CNTN5: variants seen among roughly 807,000 people sequenced by gnomAD.
The protein encoded by CNTN5 is contactin-5.
CNTN5 carries 77 observed loss-of-function variants against 129.1 expected under a neutral mutation model. The observed-to-expected ratio is 0.60, with a 90% CI of 0.50 to 0.72. The LOEUF (loss-of-function observed/expected upper bound fraction) is 0.72, where lower values mean the gene tolerates loss of function less well. CNTN5 is among the 30% of genes least tolerant of loss of function. The pLI, the probability that CNTN5 is intolerant of heterozygous loss-of-function variation, is 0.00. For synonymous variants in CNTN5, 509 were observed against 465.6 expected, an observed-to-expected ratio of 1.09 and a Z score of -1.20; for missense variants, 1,478 against 1,328.8, an observed-to-expected ratio of 1.11 and a Z score of -1.75.
chr11:100,153,404 C>T (rs1355823928), intron 13 of CNTN5, among the ~76,000 whole-genome samples: 1 of 152,006 alleles, frequency 6.6e-6, no homozygotes, highest in East Asian at 1.9e-4. Flanking sequence ...AATAATGTAT[C>T]TATTTTAAAT....
rs555606043 is a variant in CNTN5 at position 99,433,056 on chromosome 11, C to T, written c.-71+107572C>T. Among the ~76,000 whole-genome samples the T allele has an allele frequency of 4.8e-5, 7 of 147,264 alleles. No homozygotes were observed. The South Asian group carries it at 8.8e-4, about 18-fold the overall frequency. On this transcript the variant is annotated intron_variant, in intron 2 of 24. Coordinates refer to ENST00000524871, the MANE Select transcript of CNTN5 (RefSeq NM_014361.4). ...TTAGTGGACTGTGTAGATTGATGGC[C>T]TAACCTTCAAAGCTGGAACTTTTCA...
chr11:99,924,542 T>C (rs1005170768), intron 7 of CNTN5, among the ~76,000 whole-genome samples: 3 of 151,922 alleles, frequency 2.0e-5, no homozygotes, highest in African/African-American at 7.3e-5. Context: ...TGAAGATCAA[T>C]TGGTTGTGGG....
At chr11:99,661,205 T>A (rs1244164021) in intron 3 of CNTN5, among the ~76,000 whole-genome samples, 1 of 152,110 alleles carries the variant, frequency 6.6e-6, no homozygotes, top group Non-Finnish European at 1.5e-5. Flanking sequence ...ATACTTAAAT[T>A]AGGTCTGATA....
intron 3 of CNTN5, among the ~76,000 whole-genome samples, chr11:99,609,764 G>T (rs533006138): frequency 6.6e-6 from 1 of 152,244 alleles, no homozygotes; most frequent in East Asian, 1.9e-4. Flanking sequence ...ATAGTGGAAA[G>T]AATATAGACT....
chr11:99,311,761 T>C (rs187573516), intron 1 of CNTN5, among the ~76,000 whole-genome samples: 2 of 152,334 alleles, frequency 1.3e-5, no homozygotes, highest in African/African-American at 4.8e-5. Flanking sequence ...GCTAGTTTGT[T>C]GTAGTATTAA....
chr11:100,086,793 A>C (rs1944574693), intron 13 of CNTN5, among the ~76,000 whole-genome samples: 1 of 151,536 alleles, frequency 6.6e-6, no homozygotes, highest in Non-Finnish European at 1.5e-5. Flanking sequence ...AGAAAAACAG[A>C]CTATACAAGA....
intron 18 of CNTN5, among the ~76,000 whole-genome samples, chr11:100,274,124 G>A (rs1292026485): frequency 1.3e-5 from 2 of 152,280 alleles, no homozygotes; most frequent in East Asian, 3.9e-4. Context: ...ACTGGGGAAA[G>A]GATACCCTAT....
chr11:99,831,848 C>G (rs1215233034), intron 4 of CNTN5, among the ~76,000 whole-genome samples: 1 of 152,064 alleles, frequency 6.6e-6, no homozygotes, highest in Non-Finnish European at 1.5e-5. Flanking sequence ...GGTTTTTCAC[C>G]TTTCCAATTT....
intron 15 of CNTN5, among the ~76,000 whole-genome samples, chr11:100,222,426 CT>C (rs1376571216): frequency 6.6e-6 from 1 of 152,008 alleles, no homozygotes; most frequent in Non-Finnish European, 1.5e-5. Context: ...TTATTTTTCA[CT>C]GTAATTCCAT....
chr11:99,437,993 G>A (rs892330640), intron 2 of CNTN5, among the ~76,000 whole-genome samples: 6 of 90,126 alleles, frequency 6.7e-5, no homozygotes, highest in African/African-American at 2.2e-4. Context: ...TGTACAATAT[G>A]GTATTCTGTT....
At chr11:99,935,969 T>C (rs920507180) in intron 7 of CNTN5, among the ~76,000 whole-genome samples, 3 of 152,200 alleles carry the variant, frequency 2.0e-5, no homozygotes, top group Non-Finnish European at 2.9e-5. Flanking sequence ...TAGAGGGCAT[T>C]CATTGCCATT....
intron 3 of CNTN5, among the ~76,000 whole-genome samples, chr11:99,760,332 G>C (rs1944537216): frequency 6.6e-6 from 1 of 152,050 alleles, no homozygotes; most frequent in Non-Finnish European, 1.5e-5. Flanking sequence ...CGTCTGAGAG[G>C]ATCTGGGGGC....
intron 6 of CNTN5, among the ~76,000 whole-genome samples, chr11:99,857,785 C>T (rs1948085133): frequency 6.6e-6 from 1 of 151,956 alleles, no homozygotes; most frequent in Admixed American, 6.6e-5. Context: ...GAAGAAAACT[C>T]TCTGACTTTC....
intron 15 of CNTN5, among the ~76,000 whole-genome samples, chr11:100,212,107 C>T (rs989229958): frequency 1.3e-5 from 2 of 152,068 alleles, no homozygotes; most frequent in African/African-American, 4.8e-5. Context: ...TAGTCCTGGG[C>T]AGATTTACAT....
chr11:100,224,227 C>T (rs1003498518), intron 15 of CNTN5, among the ~76,000 whole-genome samples: 6 of 152,096 alleles, frequency 3.9e-5, no homozygotes, highest in Non-Finnish European at 8.8e-5. Flanking sequence ...CATTCTGTTG[C>T]CTACAGTGTT....
chr11:99,126,528 C>G (rs1316064717), intron 1 of CNTN5, among the ~76,000 whole-genome samples: 1 of 152,138 alleles, frequency 6.6e-6, no homozygotes, highest in Non-Finnish European at 1.5e-5. Flanking sequence ...GTGTTTCTCT[C>G]TCTTTGGTCC....
intron 7 of CNTN5, among the ~76,000 whole-genome samples, chr11:99,925,374 C>T (rs1001845701): frequency 6.6e-6 from 1 of 152,198 alleles, no homozygotes; most frequent in African/African-American, 2.4e-5. Context: ...AAGTAATGAG[C>T]TATATAGCGA....
chr11:100,140,628 C>T (rs778667638), intron 13 of CNTN5, among the ~76,000 whole-genome samples: 18 of 151,910 alleles, frequency 1.2e-4, no homozygotes, highest in Admixed American at 2.0e-4. Context: ...TGACCAGAGG[C>T]GTGAAGAGCC....
intron 3 of CNTN5, among the ~76,000 whole-genome samples, chr11:99,793,640 C>CA (rs956372284): frequency 3.4e-4 from 52 of 152,152 alleles, no homozygotes; most frequent in African/African-American, 1.2e-3. Flanking sequence ...TCATTACTTT[C>CA]AAAAAATTCC....
Sources: gnomAD v4.1 joint callset for allele counts (sites outside exome capture counted in the v4.1 genomes callset) on GRCh38, gnomAD v4.1.1 for gene constraint, MANE v1.5 for transcripts, NCBI Gene and HGNC (gene_info 2026-07-23, HGNC 2026-07-21) for gene names.